Variants in FRMD5 observed in about 807,000 individuals in gnomAD.
FRMD5 encodes FERM domain-containing protein 5.
Under a neutral mutation model 69.0 loss-of-function variants are expected in FRMD5, and 20 were observed. The observed-to-expected ratio is 0.29, with a 90% CI of 0.20 to 0.42. The LOEUF (loss-of-function observed/expected upper bound fraction) is 0.42, where lower values mean the gene tolerates loss of function less well. Ranked by LOEUF, FRMD5 falls within the 10% of genes least tolerant of loss-of-function variation. The probability of loss-of-function intolerance (pLI) is 1.00; values close to 1 mark genes in which losing one functional copy is unlikely to be tolerated. For missense variants in FRMD5, 595 were observed against 708.6 expected, an observed-to-expected ratio of 0.84 and a Z score of 1.82; for synonymous variants, 271 against 260.1, an observed-to-expected ratio of 1.04 and a Z score of -0.40.
intron 1 of FRMD5, among the ~76,000 whole-genome samples, chr15:44,080,226 TAA>T (rs1893942277): frequency 6.6e-6 from 1 of 152,222 alleles, no homozygotes; most frequent in East Asian, 1.9e-4. Flanking sequence ...AATTTTAAAT[TAA>T]GAGTTCATAT....
chr15:43,990,895 A>G (rs1031072255), intron 1 of FRMD5, among the ~76,000 whole-genome samples: 1 of 152,242 alleles, frequency 6.6e-6, no homozygotes, highest in Non-Finnish European at 1.5e-5. Flanking sequence ...GTCATTATAC[A>G]TCTCTATAGA....
intron 1 of FRMD5, among the ~76,000 whole-genome samples, chr15:43,968,287 TAAG>T (rs142023368): frequency 2.9e-3 from 443 of 152,326 alleles, no homozygotes; most frequent in African/African-American, 0.01. Context: ...GTGATATTTT[TAAG>T]AAGAATTCAA....
upstream of FRMD5, among the ~76,000 whole-genome samples, chr15:44,199,218 C>G (rs574507089): frequency 2.6e-5 from 4 of 152,206 alleles, no homozygotes; most frequent in South Asian, 8.3e-4. Flanking sequence ...TAAGACCAAG[C>G]TATAACTCCT....
At chr15:43,908,912 T>C (rs912708065) in intron 5 of FRMD5, among the ~76,000 whole-genome samples, 4 of 152,174 alleles carry the variant, frequency 2.6e-5, no homozygotes, top group African/African-American at 9.7e-5. Context: ...TCTTGGAGAT[T>C]TGCCTGAGAG....
At chr15:44,058,799 A>G (rs931648706) in intron 1 of FRMD5, among the ~76,000 whole-genome samples, 4 of 151,400 alleles carry the variant, frequency 2.6e-5, no homozygotes, top group African/African-American at 9.7e-5. Context: ...AAAAAAAAAA[A>G]AAGAAGAAGA....
At chr15:43,887,609 C>T (rs1273025016) in intron 10 of FRMD5, among the ~76,000 whole-genome samples, 2 of 152,188 alleles carry the variant, frequency 1.3e-5, no homozygotes, top group African/African-American at 4.8e-5. Context: ...GGACCCAGTT[C>T]TGCCAGCCAG....
intron 1 of FRMD5, among the ~76,000 whole-genome samples, chr15:44,182,324 CT>C (rs71111843): frequency 1.8e-4 from 15 of 85,642 alleles, no homozygotes; most frequent in East Asian, 9.5e-4. Flanking sequence ...CATTGCTTTT[CT>C]TTTTTTTTTT....
At chr15:43,951,999 TCTG>T (rs1356576994) in intron 1 of FRMD5, among the ~76,000 whole-genome samples, 1 of 90,776 alleles carries the variant, frequency 1.1e-5, no homozygotes, top group Admixed American at 1.2e-4. Context: ...TGTGTGTGTG[TCTG>T]TGTGTGTGTG....
rs769636070 is a variant in FRMD5 at position 43,874,293 on chromosome 15, C to A, written c.1305G>T (p.Val435=). 1 of 1,614,236 alleles carries A rather than the reference C, an allele frequency of 6.2e-7. No individual in the cohort carries two copies. The highest frequency in any genetic ancestry group is 1.1e-5 in the South Asian group (1 of 91,088). The part of the protein sequence containing the change: ...SPADSVLPTP[V]AEHSLELMLL... ...ACATCAGCTCCAGGCTGTGCTCAGCCACAGGGGTGGGCAGCACGCTGTCTG... is the reference window on the plus strand; with the variant it reads ...ACATCAGCTCCAGGCTGTGCTCAGCAACAGGGGTGGGCAGCACGCTGTCTG... Residue 435 remains valine (V), a synonymous_variant, in exon 14 of 14, where the codon GTG becomes GTT. Coordinates refer to ENST00000417257, the MANE Select transcript of FRMD5 (RefSeq NM_032892.5).
chr15:44,178,945 T>C (rs1056474632), intron 1 of FRMD5, among the ~76,000 whole-genome samples: 14 of 152,080 alleles, frequency 9.2e-5, no homozygotes, highest in African/African-American at 3.1e-4. Flanking sequence ...TGAGCCAAGA[T>C]TGCACCACTG....
chr15:43,901,806 A>C, intron 7 of FRMD5: 1 of 220,340 alleles, frequency 4.5e-6, no homozygotes, highest in Non-Finnish European at 9.0e-6. Context: ...CCACTCTCGG[A>C]AAGAAACTAG....
intron 4 of FRMD5, among the ~76,000 whole-genome samples, chr15:43,911,812 G>C (rs1011803087): frequency 6.6e-6 from 1 of 152,136 alleles, no homozygotes; most frequent in Non-Finnish European, 1.5e-5. Context: ...ATGAAACAGA[G>C]GATTCCTTGT....
intron 1 of FRMD5, among the ~76,000 whole-genome samples, chr15:43,971,844 T>A (rs1032827320): frequency 5.1e-4 from 76 of 148,698 alleles, no homozygotes; most frequent in African/African-American, 1.8e-3. Context: ...GTAGCTGGGA[T>A]TACAGGCGCC....
intron 1 of FRMD5, among the ~76,000 whole-genome samples, chr15:44,097,859 G>A (rs983941448): frequency 6.6e-6 from 1 of 152,100 alleles, no homozygotes; most frequent in African/African-American, 2.4e-5. Flanking sequence ...TTTTATACAT[G>A]CATTTGACTT....
At position 43,873,279 on chromosome 15, in the gene FRMD5, A is replaced by C; in HGVS notation, c.*606T>G. On this transcript the variant is annotated 3_prime_UTR_variant, in exon 14 of 14. Coordinates refer to ENST00000417257, the MANE Select transcript of FRMD5 (RefSeq NM_032892.5). ...AAAATCCAACTCAGACCATCATAAG[A>C]AGCAACTTTCCATTTAATCATTCTA... is the stretch of plus-strand genomic sequence containing the variant. 3 of 1,538,304 alleles carry C rather than the reference A, an allele frequency of 2.0e-6. No homozygotes were observed. The highest frequency in any genetic ancestry group is 2.6e-6 in the Non-Finnish European group (3 of 1,143,908).
Position 44,067,251 on chromosome 15 carries a change from C to T in FRMD5, c.102+127702G>A, listed in dbSNP as rs774039329. On this transcript the variant is annotated intron_variant, in intron 1 of 13. Transcript: ENST00000417257. ...GAACTGGGGAGAGACTAGGTATGTG[C>T]CATGAATTAGGTGTACTTAGAAAAG... Among the ~76,000 whole-genome samples, 4 of 151,982 alleles carry T rather than the reference C, an allele frequency of 2.6e-5. No individual in the cohort carries two copies. In the South Asian group the frequency reaches 6.2e-4, roughly 24 times the overall value.
intron 11 of FRMD5, chr15:43,885,030 C>T: frequency 2.1e-6 from 1 of 467,574 alleles, no homozygotes; most frequent in Admixed American, 3.4e-5. Context: ...ATCTTCCATT[C>T]TCATTTAGGA....
At chr15:44,051,700 T>A (rs1892673410) in intron 1 of FRMD5, among the ~76,000 whole-genome samples, 1 of 152,170 alleles carries the variant, frequency 6.6e-6, no homozygotes. Flanking sequence ...TAGATTTTCC[T>A]TGTTTTTTTA....
chr15:43,888,485 A>T lies in FRMD5; in HGVS notation c.793-219T>A, dbSNP rs550541345. On this transcript the variant is annotated intron_variant, in intron 9 of 13. Coordinates refer to ENST00000417257, the MANE Select transcript of FRMD5 (RefSeq NM_032892.5). The stretch of plus-strand genomic sequence containing the variant: ...TCTCAGCTGGCACAAAAGTGGCACA[A>T]ATTGAACCAGGAGAGCTCTTGGTGA... Among the ~76,000 whole-genome samples the T allele has an allele frequency of 1.2e-4, 19 of 152,268 alleles. 1 individual carries two copies. The South Asian group carries it at 3.9e-3, about 32-fold the overall frequency.
Sources: gnomAD v4.1 joint callset for allele counts (sites outside exome capture counted in the v4.1 genomes callset) on GRCh38, gnomAD v4.1.1 for gene constraint, MANE v1.5 for transcripts, NCBI Gene and HGNC (gene_info 2026-07-23, HGNC 2026-07-21) for gene names.